The following ARHGEF3 variants were observed in gnomAD, a reference collection of about 807,000 sequenced individuals.
The protein encoded by ARHGEF3 is 59.8 kDA protein.
Under a neutral mutation model 63.2 loss-of-function variants are expected in ARHGEF3, and 28 were observed. The observed-to-expected ratio is 0.44, with a 90% CI of 0.33 to 0.61. The LOEUF is 0.61. Among genes scored for constraint, ARHGEF3 ranks in the 20% least tolerant of loss-of-function variants. The pLI, the probability that ARHGEF3 is intolerant of heterozygous loss-of-function variation, is 0.03. For synonymous variants in ARHGEF3, 266 were observed against 254.2 expected (o/e 1.05, Z -0.44); for missense variants, 533 against 659.3 (o/e 0.81, Z 2.10).
At chr3:57,046,180 G>A (rs1704446349) in intron 1 of ARHGEF3, among the ~76,000 whole-genome samples, 1 of 152,220 alleles carries the variant, frequency 6.6e-6, no homozygotes. Context: ...TCAAGGACCT[G>A]TTCTCTAACT....
In ARHGEF3 at chr3:56,734,376, T is replaced by C. The variant is rs564937452; in HGVS notation, c.1042-1952A>G. Among the ~76,000 whole-genome samples the C allele has an allele frequency of 5.9e-5, 9 of 152,190 alleles. No individual in the cohort carries two copies. The East Asian group carries it at 1.7e-3, about 29-fold the overall frequency. On this transcript the variant is annotated intron_variant, in intron 8 of 9. Coordinates refer to ENST00000296315, the MANE Select transcript of ARHGEF3 (RefSeq NM_019555.3). Reference sequence around the variant, plus strand: ...TTGTAAGTGGGAGCTAAATCTTGGGTTCACATGGGCATAAAGATAGGAACA... The same window carrying C: ...TTGTAAGTGGGAGCTAAATCTTGGGCTCACATGGGCATAAAGATAGGAACA...
At chr3:56,789,214 T>A (rs919402962) in intron 1 of ARHGEF3, among the ~76,000 whole-genome samples, 1 of 152,210 alleles carries the variant, frequency 6.6e-6, no homozygotes, top group Non-Finnish European at 1.5e-5. Flanking sequence ...AGCTCACAGG[T>A]GGCCAAGTGC....
At chr3:56,816,691 G>A (rs932300643) in intron 4 of ARHGEF3, among the ~76,000 whole-genome samples, 3 of 152,202 alleles carry the variant, frequency 2.0e-5, no homozygotes, top group Admixed American at 6.5e-5. Flanking sequence ...TACTTCTATA[G>A]TAGGAGAAAC....
chr3:57,009,385 C>T (rs3856701), intron 2 of ARHGEF3, among the ~76,000 whole-genome samples: 22,501 of 152,178 alleles, frequency 0.15, 2,158 homozygotes, highest in Non-Finnish European at 0.21. Flanking sequence ...TAAAGTTCCC[C>T]GGACCCTCTG....
chr3:56,778,640 C>A (rs2107862011), intron 1 of ARHGEF3, among the ~76,000 whole-genome samples: 1 of 152,260 alleles, frequency 6.6e-6, no homozygotes, highest in Non-Finnish European at 1.5e-5. Context: ...TCAAGCAGAT[C>A]TTCCCACCTC....
intron 4 of ARHGEF3, among the ~76,000 whole-genome samples, chr3:56,824,427 A>G (rs1308120164): frequency 6.6e-6 from 1 of 152,170 alleles, no homozygotes; most frequent in African/African-American, 2.4e-5. Context: ...CTTTGTAAGT[A>G]TCATCTCCTT....
chr3:56,950,698 A>G (rs1699762449), intron 3 of ARHGEF3, among the ~76,000 whole-genome samples: 1 of 152,080 alleles, frequency 6.6e-6, no homozygotes, highest in South Asian at 2.1e-4. Context: ...AAACTAGTCC[A>G]ACCATTGTGG....
intron 2 of ARHGEF3, among the ~76,000 whole-genome samples, chr3:56,966,842 T>C (rs892362988): frequency 6.7e-6 from 1 of 148,924 alleles, no homozygotes; most frequent in Non-Finnish European, 1.5e-5. Flanking sequence ...TCAGCCTTTT[T>C]TTTTTTAATT....
At chr3:57,059,834 T>C (rs541925161) in intron 1 of ARHGEF3, among the ~76,000 whole-genome samples, 1 of 150,390 alleles carries the variant, frequency 6.6e-6, no homozygotes, top group South Asian at 2.1e-4. Context: ...CCATCTCTAC[T>C]AAAAATACAA....
At chr3:56,958,860 G>A (rs1700159838) in exon 3 of ARHGEF3, 1 of 1,551,510 alleles carries the variant, frequency 6.4e-7, no homozygotes, top group African/African-American at 1.4e-5. Flanking sequence ...GGGAAACATG[G>A]GAAAGTTGTT....
Position 56,732,382 on chromosome 3 carries a change from G to T in ARHGEF3, c.1084C>A (p.Arg362=). Residue 362 remains arginine, a synonymous_variant, in exon 9 of 10, where the codon CGA becomes AGA. Transcript: ENST00000296315. The part of the protein sequence containing the change: ...FLFQEVLVIT[R]AVTHNEQLCY... ...AGCTGCTCATTGTGGGTGACGGCTC[G>T]AGTGATCACAAGCACTTCTTGGAAC... The T allele has an allele frequency of 6.2e-7, 1 of 1,614,130 alleles. No individual in the cohort carries two copies.
At chr3:56,748,884 C>T (rs1409379752) in intron 6 of ARHGEF3, among the ~76,000 whole-genome samples, 1 of 152,138 alleles carries the variant, frequency 6.6e-6, no homozygotes, top group Non-Finnish European at 1.5e-5. Flanking sequence ...AGGGCTGTCC[C>T]ACTTGGAAGG....
chr3:56,786,338 TG>T (rs2036807983), intron 1 of ARHGEF3, among the ~76,000 whole-genome samples: 1 of 152,220 alleles, frequency 6.6e-6, no homozygotes, highest in Admixed American at 6.5e-5. Flanking sequence ...ATACAAAGCA[TG>T]CTGTTCAGGA....
At chr3:56,995,249 G>A (rs1451327718) in intron 2 of ARHGEF3, among the ~76,000 whole-genome samples, 1 of 152,010 alleles carries the variant, frequency 6.6e-6, no homozygotes, top group East Asian at 1.9e-4. Context: ...TATGAGCTGA[G>A]GCCGGCGTCT....
At chr3:56,872,842 C>A (rs1309303260) in intron 4 of ARHGEF3, among the ~76,000 whole-genome samples, 1 of 152,158 alleles carries the variant, frequency 6.6e-6, no homozygotes, top group Non-Finnish European at 1.5e-5. Flanking sequence ...ATGATCAATT[C>A]TATTTATGGA....
chr3:56,746,776 C>T lies in ARHGEF3; in HGVS notation c.613-1314G>A, dbSNP rs2034415652. 4.6e-5 allele frequency among the ~76,000 whole-genome samples: 7 copies of T among 151,980 alleles called. No individual in the cohort carries two copies. In the South Asian group the frequency reaches 1.5e-3, roughly 32 times the overall value. Reference sequence around the variant, plus strand: ...CATAAAAATAAATAAAGTATGGCAGCATCTGAAACTTTAAATACTCTGCTG... The same window carrying T: ...CATAAAAATAAATAAAGTATGGCAGTATCTGAAACTTTAAATACTCTGCTG... On this transcript the variant is annotated intron_variant, in intron 6 of 9. Transcript: ENST00000296315.
At chr3:57,027,001 A>G (rs758662927) in intron 2 of ARHGEF3, among the ~76,000 whole-genome samples, 3 of 152,192 alleles carry the variant, frequency 2.0e-5, no homozygotes, top group African/African-American at 7.2e-5. Flanking sequence ...TGATCACCCT[A>G]TGTTAGAAAT....
At chr3:56,916,484 CAG>C in intron 3 of ARHGEF3, 1 of 1,386,648 alleles carries the variant, frequency 7.2e-7, no homozygotes, top group African/African-American at 1.5e-5. Flanking sequence ...CAGGAAGTGA[CAG>C]GGGCCATCAG....
chr3:57,067,623 C>T (rs1362119369), intron 1 of ARHGEF3, among the ~76,000 whole-genome samples: 1 of 150,820 alleles, frequency 6.6e-6, no homozygotes, highest in Non-Finnish European at 1.5e-5. Flanking sequence ...TCACATGAGG[C>T]CAGGAGTTTG....
Sources: allele counts gnomAD v4.1 joint callset (sites outside exome capture counted in the v4.1 genomes callset), GRCh38; gene constraint gnomAD v4.1.1; transcripts MANE v1.5; gene names NCBI Gene and HGNC (gene_info 2026-07-23, HGNC 2026-07-21).